The following CNTNAP2 variants were observed in gnomAD, a reference collection of about 807,000 sequenced individuals.
The protein encoded by CNTNAP2 is contactin associated protein 2.
Under a neutral mutation model 155.2 loss-of-function variants are expected in CNTNAP2, and 98 were observed. The ratio of observed to expected loss-of-function variants is 0.63; its 90% CI spans 0.54 to 0.75. The LOEUF is 0.75. Ranked by LOEUF, CNTNAP2 falls within the 30% of genes least tolerant of loss-of-function variation. The pLI, the probability that CNTNAP2 is intolerant of heterozygous loss-of-function variation, is 0.00. For missense variants in CNTNAP2, 1,727 were observed against 1,688.1 expected (o/e 1.02, Z -0.40); for synonymous variants, 651 against 631.2 (o/e 1.03, Z -0.47).
intron 13 of CNTNAP2, among the ~76,000 whole-genome samples, chr7:147,802,217 G>A (rs1015549581): frequency 2.8e-5 from 4 of 141,426 alleles, no homozygotes; most frequent in Admixed American, 7.3e-5. Flanking sequence ...CTCAGACGAT[G>A]GGCGGCCGGG....
chr7:147,817,736 C>T lies in CNTNAP2; in HGVS notation c.2099-85829C>T, dbSNP rs994475906. Among the ~76,000 whole-genome samples, 4 of 151,456 alleles carry T rather than the reference C, an allele frequency of 2.6e-5. No individual in the cohort carries two copies. In the East Asian group the frequency reaches 5.8e-4, roughly 22 times the overall value. On this transcript the variant is annotated intron_variant, in intron 13 of 23. Coordinates refer to ENST00000361727, the MANE Select transcript of CNTNAP2 (RefSeq NM_014141.6). ...GGCTAACATGGTGAAACCCTGTCTC[C>T]ACTAAAAATACAAAAAAAATTAGCC...
At chr7:147,909,263 A>T (rs778219356) in intron 14 of CNTNAP2, among the ~76,000 whole-genome samples, 1 of 152,154 alleles carries the variant, frequency 6.6e-6, no homozygotes, top group Non-Finnish European at 1.5e-5. Context: ...GTTTTTATCT[A>T]TCTTTTTAAT....
intron 15 of CNTNAP2, among the ~76,000 whole-genome samples, chr7:148,078,144 A>G (rs1803530670): frequency 6.6e-6 from 1 of 151,966 alleles, no homozygotes; most frequent in African/African-American, 2.4e-5. Flanking sequence ...GCTCACTGCA[A>G]CCTCCACCTC....
At chr7:147,783,277 CT>C (rs1413137953) in intron 13 of CNTNAP2, among the ~76,000 whole-genome samples, 1 of 152,142 alleles carries the variant, frequency 6.6e-6, no homozygotes, top group African/African-American at 2.4e-5. Flanking sequence ...AAATTGTAGG[CT>C]TTTCTGAGAG....
intron 8 of CNTNAP2, among the ~76,000 whole-genome samples, chr7:147,191,090 A>C (rs983971474): frequency 2.0e-5 from 3 of 152,166 alleles, no homozygotes; most frequent in African/African-American, 7.2e-5. Context: ...ATGACTCACC[A>C]TGTACAGTCT....
intron 3 of CNTNAP2, among the ~76,000 whole-genome samples, chr7:146,872,179 T>C (rs937703496): frequency 2.0e-5 from 3 of 150,058 alleles, no homozygotes; most frequent in Non-Finnish European, 4.4e-5. Context: ...TTTTTTTTTT[T>C]TTTTTTTGGT....
intron 3 of CNTNAP2, among the ~76,000 whole-genome samples, chr7:146,892,421 GCAGAGA>G (rs1216887864): frequency 6.6e-6 from 1 of 152,144 alleles, no homozygotes; most frequent in Non-Finnish European, 1.5e-5. Context: ...GTTTTAAGAG[GCAGAGA>G]CAGACTTCTC....
chr7:148,040,042 T>C (rs16883804), intron 15 of CNTNAP2, among the ~76,000 whole-genome samples: 6,041 of 152,288 alleles, frequency 0.04, 389 homozygotes, highest in African/African-American at 0.14. Context: ...CAACCTTATA[T>C]AAATTAGAAC....
chr7:147,140,131 G>T (rs1020358323), intron 8 of CNTNAP2, among the ~76,000 whole-genome samples: 3 of 151,930 alleles, frequency 2.0e-5, no homozygotes, highest in Non-Finnish European at 4.4e-5. Flanking sequence ...GTTGTGCCTA[G>T]ATTCTTACTG....
At chr7:148,336,647 T>C (rs1798121284) in intron 21 of CNTNAP2, among the ~76,000 whole-genome samples, 1 of 152,096 alleles carries the variant, frequency 6.6e-6, no homozygotes, top group Admixed American at 6.5e-5. Context: ...TTTCCCTCTG[T>C]CCCCCAGTCT....
intron 3 of CNTNAP2, among the ~76,000 whole-genome samples, chr7:146,854,496 C>T (rs1040699738): frequency 2.0e-5 from 3 of 152,092 alleles, no homozygotes; most frequent in African/African-American, 7.2e-5. Flanking sequence ...GAATAGCTCT[C>T]TAGTACCAAA....
chr7:146,894,371 A>G (rs985589434), intron 3 of CNTNAP2, among the ~76,000 whole-genome samples: 1 of 152,132 alleles, frequency 6.6e-6, no homozygotes, highest in Non-Finnish European at 1.5e-5. Flanking sequence ...TTCCAAATTA[A>G]TCTTTTGCTC....
chr7:146,807,526 A>G lies in CNTNAP2; in HGVS notation c.209-32185A>G, dbSNP rs146922314. On this transcript the variant is annotated intron_variant, in intron 2 of 23. Coordinates refer to ENST00000361727, the MANE Select transcript of CNTNAP2 (RefSeq NM_014141.6). Reference sequence around the variant, plus strand: ...AACATGTAAATTATTTGATCAGTAAATCTATAAATATTATGCCAATTTACA... The same window carrying G: ...AACATGTAAATTATTTGATCAGTAAGTCTATAAATATTATGCCAATTTACA... 1.7e-4 allele frequency among the ~76,000 whole-genome samples: 26 copies of G among 152,264 alleles called. No individual in the cohort carries two copies. In the East Asian group the frequency reaches 5.1e-3, roughly 30 times the overall value.
chr7:147,550,333 A>G (rs928212914), intron 11 of CNTNAP2, among the ~76,000 whole-genome samples: 1 of 152,148 alleles, frequency 6.6e-6, no homozygotes, highest in South Asian at 2.1e-4. Flanking sequence ...GGTGGTTTCC[A>G]CCATGCTGTT....
chr7:148,114,066 A>G (rs1363167938), intron 15 of CNTNAP2, among the ~76,000 whole-genome samples: 1 of 152,004 alleles, frequency 6.6e-6, no homozygotes, highest in Non-Finnish European at 1.5e-5. Flanking sequence ...TGGCATTCTC[A>G]CCCATTGTCA....
At chr7:146,935,459 C>G (rs774021258) in intron 3 of CNTNAP2, among the ~76,000 whole-genome samples, 1 of 152,198 alleles carries the variant, frequency 6.6e-6, no homozygotes, top group Non-Finnish European at 1.5e-5. Flanking sequence ...GGTTCACTCC[C>G]TTTGACCCAC....
intron 1 of CNTNAP2, among the ~76,000 whole-genome samples, chr7:146,575,297 A>G (rs1476420548): frequency 1.3e-5 from 2 of 152,064 alleles, no homozygotes; most frequent in African/African-American, 4.8e-5. Context: ...TTGTATTCTT[A>G]GTAGAGACAG....
At chr7:146,898,608 C>G (rs538440602) in intron 3 of CNTNAP2, among the ~76,000 whole-genome samples, 1 of 151,868 alleles carries the variant, frequency 6.6e-6, no homozygotes, top group East Asian at 1.9e-4. Context: ...ACATTATAAC[C>G]GCAAGCTGTA....
At chr7:146,756,874 A>G (rs990271911) in intron 1 of CNTNAP2, among the ~76,000 whole-genome samples, 2 of 152,130 alleles carry the variant, frequency 1.3e-5, no homozygotes, top group African/African-American at 4.8e-5. Flanking sequence ...CATTTGTGTT[A>G]TAACACGTAT....
Sources: allele counts gnomAD v4.1 joint callset (sites outside exome capture counted in the v4.1 genomes callset), GRCh38; gene constraint gnomAD v4.1.1; transcripts MANE v1.5; gene names NCBI Gene and HGNC (gene_info 2026-07-23, HGNC 2026-07-21).